Variants in PELI1 observed in about 807,000 individuals in gnomAD.
The protein encoded by PELI1 is pellino E3 ubiquitin protein ligase 1, also known as E3 ubiquitin-protein ligase pellino homolog 1.
A neutral mutation model predicts 41.3 loss-of-function variants in PELI1; 15 were observed. The observed-to-expected ratio is 0.36, with a 90% CI of 0.24 to 0.56. The LOEUF is 0.56. PELI1 is among the 20% of genes least tolerant of loss of function. PELI1 has a pLI of 0.82. For synonymous variants in PELI1, 178 were observed against 180.1 expected, an observed-to-expected ratio of 0.99 and a Z score of 0.09; for missense variants, 403 against 525.5, an observed-to-expected ratio of 0.77 and a Z score of 2.28.
intron 1 of PELI1, among the ~76,000 whole-genome samples, chr2:64,141,597 C>T (rs556308908): frequency 1.1e-4 from 17 of 152,282 alleles, no homozygotes; most frequent in Non-Finnish European, 2.4e-4. Flanking sequence ...TCCTTACCAC[C>T]TGACCTACTA....
At chr2:64,108,113 T>A (rs1239617761) in intron 2 of PELI1, 127 bp downstream of exon 2, 1 of 620,652 alleles carries the variant, frequency 1.6e-6, no homozygotes, top group Non-Finnish European at 2.9e-6. Flanking sequence ...TAACATTACC[T>A]GTAGCTTTAA....
At chr2:64,101,088 A>G (rs1428305197) in intron 3 of PELI1, among the ~76,000 whole-genome samples, 4 of 152,140 alleles carry the variant, frequency 2.6e-5, no homozygotes, top group Admixed American at 2.6e-4. Flanking sequence ...AATTATAATC[A>G]AAACCAAATC....
intron 1 of PELI1, among the ~76,000 whole-genome samples, chr2:64,120,765 C>A (rs1681181450): frequency 6.6e-6 from 1 of 152,178 alleles, no homozygotes; most frequent in Non-Finnish European, 1.5e-5. Context: ...CAAAGTCCCA[C>A]CTATAAATAC....
chr2:64,129,412 G>A (rs941126023), intron 1 of PELI1, among the ~76,000 whole-genome samples: 4 of 152,214 alleles, frequency 2.6e-5, no homozygotes, highest in Admixed American at 6.5e-5. Context: ...GAAAAAATAC[G>A]AGGCTCAGAA....
chr2:64,138,806 C>G (rs934308255), intron 1 of PELI1, among the ~76,000 whole-genome samples: 7 of 152,208 alleles, frequency 4.6e-5, no homozygotes, highest in Non-Finnish European at 8.8e-5. Context: ...TTTATTCTCC[C>G]TTCCCCTTCC....
chr2:64,096,404 G>A lies in PELI1; in HGVS notation c.501+9C>T. The A allele has an allele frequency of 6.2e-7, 1 of 1,602,966 alleles. No homozygotes were observed. Among genetic ancestry groups the A allele is most frequent in the Non-Finnish European group, 8.5e-7 (1 of 1,172,328 alleles). ...AAAGAAAGCATCATTTAGAAAAAAA[G>A]CTTTTTACCCCAAGAAAGATGTTTT... On this transcript the variant is annotated intron_variant, in intron 5 of 6. Coordinates refer to ENST00000358912, the MANE Select transcript of PELI1 (RefSeq NM_020651.4).
intron 1 of PELI1, among the ~76,000 whole-genome samples, chr2:64,140,226 T>G (rs1030328187): frequency 6.6e-6 from 1 of 152,206 alleles, no homozygotes; most frequent in Admixed American, 6.5e-5. Flanking sequence ...ATTACATGTG[T>G]GTTGAATTAA....
intron 3 of PELI1, among the ~76,000 whole-genome samples, chr2:64,103,853 T>C (rs1680529374): frequency 6.6e-6 from 1 of 152,222 alleles, no homozygotes; most frequent in Non-Finnish European, 1.5e-5. Flanking sequence ...TACAGGTACT[T>C]CCAGGAGTCA....
chr2:64,102,065 T>C (rs1465027029), intron 3 of PELI1, among the ~76,000 whole-genome samples: 1 of 152,114 alleles, frequency 6.6e-6, no homozygotes, highest in Non-Finnish European at 1.5e-5. Flanking sequence ...GACCTCGTGA[T>C]CCACCCACCT....
chr2:64,096,170 T>G lies in PELI1; in HGVS notation c.645A>C (p.Val215=). 3.1e-6 allele frequency: 5 copies of G among 1,614,144 alleles called. No homozygotes were observed. The highest frequency in any genetic ancestry group is 4.2e-6 in the Non-Finnish European group (5 of 1,179,986). Residue 215 remains valine (V), a synonymous_variant, in exon 6 of 7, where the codon GTA becomes GTC. Transcript: ENST00000358912. The part of the protein sequence containing the change: ...IWREISVCGN[V]FSLRETRSAQ... ...CCGATCTGGTTTCACGTAGGCTAAA[T>G]ACATTTCCACACACCGATATTTCTC...
chr2:64,098,851 T>G (rs1558471919), intron 4 of PELI1, among the ~76,000 whole-genome samples: 1 of 152,172 alleles, frequency 6.6e-6, no homozygotes, highest in Non-Finnish European at 1.5e-5. Flanking sequence ...GCAGAAATGT[T>G]TGGATTTTCC....
At chr2:64,105,523 G>C (rs1393210770) in intron 2 of PELI1, among the ~76,000 whole-genome samples, 1 of 152,056 alleles carries the variant, frequency 6.6e-6, no homozygotes, top group Admixed American at 6.5e-5. Flanking sequence ...AAAAATATTT[G>C]GGTGTTTACT....
intron 1 of PELI1, among the ~76,000 whole-genome samples, chr2:64,119,802 A>C (rs916302607): frequency 6.6e-6 from 1 of 152,238 alleles, no homozygotes; most frequent in Non-Finnish European, 1.5e-5. Flanking sequence ...TATAAATGTC[A>C]GAAGTATAAC....
chr2:64,100,463 TATATG>T lies in PELI1; in HGVS notation c.233_237del (p.Ser78TyrfsTer11). 6.3e-7 allele frequency: 1 copy of T among 1,587,030 alleles called. No homozygotes were observed. Among genetic ancestry groups the T allele is most frequent in the Non-Finnish European group, 8.7e-7 (1 of 1,155,526 alleles). ...ACCACAGTCTGGGCCCGAGATAAAG[TATATG>T]ATATGCTATGCTGGTCTTTGTTGCT... On this transcript the variant is annotated frameshift_variant, in exon 4 of 7. Transcript: ENST00000358912. LOFTEE classifies it high-confidence loss of function.
At chr2:64,110,755 C>G (rs1425804728) in intron 1 of PELI1, among the ~76,000 whole-genome samples, 1 of 151,904 alleles carries the variant, frequency 6.6e-6, no homozygotes, top group African/African-American at 2.4e-5. Context: ...GGTGAAACCC[C>G]ATCTCCACTA....
Position 64,094,982 on chromosome 2 carries a change from C to T in PELI1, c.977G>A (p.Arg326His), listed in dbSNP as rs761769713. 6.8e-6 allele frequency: 11 copies of T among 1,614,188 alleles called. No individual in the cohort carries two copies. The highest frequency in any genetic ancestry group is 6.6e-5 in the South Asian group (6 of 91,084). The change falls in exon 7 of 7, where the codon CGT (arginine) becomes CAT (histidine). Residue 326 changes from arginine to histidine, a missense_variant. By Grantham distance (29) the Arg-to-His change is conservative. Transcript: ENST00000358912. Reference protein sequence around the residue: ...GYHNWGNKEERDGKDRECPMC... With the variant: ...GYHNWGNKEEHDGKDRECPMC... ...AGGACATTCACGATCTTTTCCATCA[C>T]GTTCTTCTTTGTTTCCCCAGTTATG...
chr2:64,099,165 TAC>T (rs70965174), intron 4 of PELI1, among the ~76,000 whole-genome samples: 3,628 of 144,724 alleles, frequency 0.025, 44 homozygotes, highest in African/African-American at 0.037. Context: ...ATCTTGGAGA[TAC>T]ACACACACAC....
In PELI1 at chr2:64,108,260, A is replaced by G. The variant is rs17753351; in HGVS notation, c.51T>C (p.Tyr17=). ...CTTACCCTAAGACAATGAGTTCACC[A>G]TATTTTACTGGTGCTTTAGATGGAT... is the stretch of plus-strand genomic sequence containing the variant. The part of the protein sequence containing the change: ...ENHPSKAPVK[Y]GELIVLGYNG... Residue 17 remains tyrosine, a synonymous_variant, in exon 2 of 7, where the codon TAT becomes TAC. Transcript: ENST00000358912. 0.041 allele frequency: 65,079 copies of G among 1,590,546 alleles called. 1,619 individuals are homozygous for G. The highest frequency in any genetic ancestry group is 0.062 in the Middle Eastern group (370 of 6,016).
At chr2:64,108,569 A>C (rs1558476596) in intron 1 of PELI1, among the ~76,000 whole-genome samples, 190 bp from the exon 2 acceptor site, 1 of 152,222 alleles carries the variant, frequency 6.6e-6, no homozygotes, top group Non-Finnish European at 1.5e-5. Flanking sequence ...AAAAATGCAA[A>C]TTTGAAGACT....
Sources: allele counts gnomAD v4.1 joint callset (sites outside exome capture counted in the v4.1 genomes callset), GRCh38; gene constraint gnomAD v4.1.1; transcripts MANE v1.5; gene names NCBI Gene and HGNC (gene_info 2026-07-23, HGNC 2026-07-21).